Variants in DPYD observed in about 807,000 individuals in gnomAD.
DPYD encodes dihydropyrimidine dehydrogenase [NADP(+)].
Under a neutral mutation model 116.2 loss-of-function variants are expected in DPYD, and 109 were observed. The ratio of observed to expected loss-of-function variants is 0.94; its 90% CI spans 0.80 to 1.10. The LOEUF (loss-of-function observed/expected upper bound fraction) is 1.10. Among genes scored for constraint, DPYD ranks in the 50% least tolerant of loss-of-function variants. DPYD has a pLI of 0.00. For missense variants in DPYD, 1,302 were observed against 1,254.5 expected, an observed-to-expected ratio of 1.04 and a Z score of -0.57; for synonymous variants, 440 against 432.0, an observed-to-expected ratio of 1.02 and a Z score of -0.23.
chr1:97,876,358 G>A (rs547888348), intron 2 of DPYD, among the ~76,000 whole-genome samples: 1 of 152,036 alleles, frequency 6.6e-6, no homozygotes, highest in African/African-American at 2.4e-5. Flanking sequence ...AGCCCTTTGG[G>A]CCAGTAACAG....
chr1:97,398,853 G>A (rs1305375249), intron 14 of DPYD, among the ~76,000 whole-genome samples: 1 of 152,130 alleles, frequency 6.6e-6, no homozygotes, highest in Admixed American at 6.5e-5. Context: ...TTAGCCCTTT[G>A]TCAGATGAGT....
At position 97,491,738 on chromosome 1, in the gene DPYD, A is replaced by C. The variant is rs138433369; in HGVS notation, c.1740+23988T>G. On this transcript the variant is annotated intron_variant, in intron 13 of 22. Transcript: ENST00000370192. ...AACTTCTATCTCTAAAGGCTGTTAAAGCTATTTTAATCATATTGTCTATTA... is the reference window on the plus strand; with the variant it reads ...AACTTCTATCTCTAAAGGCTGTTAACGCTATTTTAATCATATTGTCTATTA... Among the ~76,000 whole-genome samples the C allele has an allele frequency of 1.6e-4, 25 of 152,280 alleles. No homozygotes were observed. In the East Asian group the frequency reaches 4.8e-3, roughly 29 times the overall value.
At position 97,194,300 on chromosome 1, in the gene DPYD, C is replaced by G. The variant is rs553980061; in HGVS notation, c.2443-1052G>C. Among the ~76,000 whole-genome samples, 2 of 152,136 alleles carry G rather than the reference C, an allele frequency of 1.3e-5. 1 individual carries two copies. The highest frequency in any genetic ancestry group is 4.2e-4 in the South Asian group (2 of 4,808). Reference sequence around the variant, plus strand: ...CTGTTCTCGTGATGATGAGTGAGCTCTCACACAATCTGATGGTTTTATAAG... The same window carrying G: ...CTGTTCTCGTGATGATGAGTGAGCTGTCACACAATCTGATGGTTTTATAAG... On this transcript the variant is annotated intron_variant, in intron 19 of 22. Transcript: ENST00000370192.
rs72726696 is a variant in DPYD, at chr1:97,313,479, G to A, written c.2059-7182C>T. ...AAAATGTTGTAACTGTATATACCTG[G>A]AATGTGTACATGTGTGCCTGTGTGT... On this transcript the variant is annotated intron_variant, in intron 16 of 22. Transcript: ENST00000370192. 7.2e-3 allele frequency among the ~76,000 whole-genome samples: 1,045 copies of A among 145,886 alleles called. 8 individuals carry two copies. Among genetic ancestry groups the A allele is most frequent in the Non-Finnish European group, 0.012 (768 of 66,422 alleles).
At chr1:97,289,517 G>A (rs1665981735) in intron 18 of DPYD, among the ~76,000 whole-genome samples, 1 of 151,552 alleles carries the variant, frequency 6.6e-6, no homozygotes, top group African/African-American at 2.4e-5. Context: ...TCCCTGGGAT[G>A]CAAGGCTGGT....
intron 13 of DPYD, among the ~76,000 whole-genome samples, chr1:97,490,497 A>G (rs555809427): frequency 6.8e-6 from 1 of 147,972 alleles, no homozygotes; most frequent in Non-Finnish European, 1.5e-5. Context: ...ATAATTACTA[A>G]TAATTATATT....
intron 1 of DPYD, among the ~76,000 whole-genome samples, chr1:97,902,299 CAAT>C (rs1324141303): frequency 6.6e-6 from 1 of 151,706 alleles, no homozygotes; most frequent in Non-Finnish European, 1.5e-5. Context: ...AATATCACTA[CAAT>C]GAGGCTCCTG....
At chr1:97,896,476 C>T (rs1419039953) in intron 1 of DPYD, among the ~76,000 whole-genome samples, 2 of 151,754 alleles carry the variant, frequency 1.3e-5, no homozygotes, top group Non-Finnish European at 2.9e-5. Flanking sequence ...TTACTTCTCC[C>T]CGTCTCATAT....
chr1:97,526,031 C>A (rs1291470788), intron 12 of DPYD, among the ~76,000 whole-genome samples: 1 of 146,224 alleles, frequency 6.8e-6, no homozygotes, highest in Non-Finnish European at 1.5e-5. Flanking sequence ...ATAATTCAGT[C>A]ACATTAAATG....
At chr1:97,226,034 C>A (rs1293044648) in intron 19 of DPYD, among the ~76,000 whole-genome samples, 1 of 152,064 alleles carries the variant, frequency 6.6e-6, no homozygotes, top group African/African-American at 2.4e-5. Context: ...TTAAAAGAAT[C>A]ATTCACCATG....
chr1:97,588,099 T>C (rs934683947), intron 10 of DPYD, among the ~76,000 whole-genome samples: 2 of 152,290 alleles, frequency 1.3e-5, no homozygotes, highest in Admixed American at 6.5e-5. Context: ...CAATCCGGTA[T>C]TGTTATTTTT....
intron 14 of DPYD, among the ~76,000 whole-genome samples, chr1:97,384,519 G>A (rs1231853930): frequency 6.6e-6 from 1 of 152,102 alleles, no homozygotes; most frequent in African/African-American, 2.4e-5. Flanking sequence ...AGAGGTTTAG[G>A]AGCAAGGGGT....
At chr1:97,398,331 T>C (rs533431041) in intron 14 of DPYD, among the ~76,000 whole-genome samples, 8 of 152,338 alleles carry the variant, frequency 5.3e-5, no homozygotes, top group African/African-American at 1.9e-4. Flanking sequence ...CATATTTTCT[T>C]AATCCAGTCT....
At chr1:97,778,890 T>C (rs1666575834) in intron 3 of DPYD, among the ~76,000 whole-genome samples, 1 of 152,132 alleles carries the variant, frequency 6.6e-6, no homozygotes, top group Non-Finnish European at 1.5e-5. Context: ...AGGAACCACT[T>C]GGTTCAACAA....
intron 16 of DPYD, among the ~76,000 whole-genome samples, chr1:97,365,454 A>AT (rs1384671915): frequency 4.6e-5 from 7 of 152,140 alleles, no homozygotes; most frequent in African/African-American, 1.7e-4. Flanking sequence ...TCTTTATGAC[A>AT]TTTTTATTTC....
At chr1:97,760,538 T>A (rs995604895) in intron 3 of DPYD, among the ~76,000 whole-genome samples, 6 of 152,168 alleles carry the variant, frequency 3.9e-5, no homozygotes, top group Non-Finnish European at 7.4e-5. Context: ...ATTTAAAGTA[T>A]ACAGGAGGAT....
chr1:97,213,283 AAATT>A (rs763237091), intron 19 of DPYD, among the ~76,000 whole-genome samples: 19 of 152,278 alleles, frequency 1.2e-4, no homozygotes, highest in Non-Finnish European at 2.2e-4. Context: ...AGGTATAAAT[AAATT>A]ATTACAACTT....
chr1:97,603,525 T>G (rs559462816), intron 8 of DPYD, among the ~76,000 whole-genome samples: 7 of 152,128 alleles, frequency 4.6e-5, no homozygotes, highest in Non-Finnish European at 8.8e-5. Flanking sequence ...AACTGCACAG[T>G]AGGAAACAGC....
intron 3 of DPYD, among the ~76,000 whole-genome samples, chr1:97,827,090 A>G (rs562497662): frequency 1.5e-3 from 235 of 152,146 alleles, no homozygotes; most frequent in South Asian, 3.5e-3. Context: ...TTGCATGGTA[A>G]AAGGAAGGTT....
Sources: gnomAD v4.1 joint callset for allele counts (sites outside exome capture counted in the v4.1 genomes callset) on GRCh38, gnomAD v4.1.1 for gene constraint, MANE v1.5 for transcripts, NCBI Gene and HGNC (gene_info 2026-07-23, HGNC 2026-07-21) for gene names.